Variants in LRRC69 observed in about 807,000 individuals in gnomAD.
LRRC69 encodes leucine-rich repeat-containing protein 69.
LRRC69 carries 42 observed loss-of-function variants against 37.8 expected under a neutral mutation model. The ratio of observed to expected loss-of-function variants is 1.11; its 90% confidence interval spans 0.87 to 1.44. The LOEUF is 1.44. Ranked by LOEUF, LRRC69 falls within the 40% of genes most tolerant of loss-of-function variation. The pLI is 0.00. For synonymous variants in LRRC69, 141 were observed against 143.1 expected (o/e 0.99, Z 0.11); for missense variants, 357 against 401.9 (o/e 0.89, Z 0.96).
intron 6 of LRRC69, among the ~76,000 whole-genome samples, chr8:91,191,472 G>A (rs1397610116): frequency 6.6e-6 from 1 of 152,086 alleles, no homozygotes; most frequent in South Asian, 2.1e-4. Context: ...TAAAAAGATA[G>A]GTATCATTAT....
At chr8:91,194,876 C>G (rs1809568247) in intron 6 of LRRC69, among the ~76,000 whole-genome samples, 1 of 151,348 alleles carries the variant, frequency 6.6e-6, no homozygotes, top group Non-Finnish European at 1.5e-5. Context: ...TATTTCTTGC[C>G]TTCTGCTAGC....
At chr8:91,147,284 A>T (rs1462995828) in intron 5 of LRRC69, among the ~76,000 whole-genome samples, 1 of 146,210 alleles carries the variant, frequency 6.8e-6, no homozygotes, top group South Asian at 2.1e-4. Context: ...ATTATATATA[A>T]ACATATTATA....
At chr8:91,173,061 C>T (rs1034417499) in intron 5 of LRRC69, among the ~76,000 whole-genome samples, 8 of 151,910 alleles carry the variant, frequency 5.3e-5, no homozygotes, top group African/African-American at 9.7e-5. Flanking sequence ...CAGCTACTCA[C>T]GGCTCCATTT....
chr8:91,200,496 T>A, intron 6 of LRRC69, 117 bp from the exon 7 acceptor site: 1 of 655,008 alleles, frequency 1.5e-6, no homozygotes, highest in Non-Finnish European at 2.3e-6. Context: ...TGCAGAATCT[T>A]AATTTAACAG....
chr8:91,158,137 CACTT>C, intron 5 of LRRC69: 1 of 1,598,720 alleles, frequency 6.3e-7, no homozygotes, highest in East Asian at 2.2e-5. Context: ...GTGAAACTCT[CACTT>C]ACCTATGGAA....
chr8:91,118,331 T>A (rs1277198896), intron 1 of LRRC69: 1 of 172,762 alleles, frequency 5.8e-6, no homozygotes, highest in Non-Finnish European at 1.1e-5. Flanking sequence ...ATGGCAAAAA[T>A]CCCATCTCTA....
Position 91,112,278 on chromosome 8 carries a change from A to T in LRRC69, c.183+9434A>T, listed in dbSNP as rs139867589. ...AGACCCAGCTCTGCGGCTGCTCTGC[A>T]TGCACTTGCACTTCTGACAGTGGCA... On this transcript the variant is annotated intron_variant, in intron 1 of 7. Transcript: ENST00000448384. Among the ~76,000 whole-genome samples, 1,056 of 152,082 alleles carry T rather than the reference A, an allele frequency of 6.9e-3. 16 individuals are homozygous for T. The highest frequency in any genetic ancestry group is 0.024 in the African/African-American group (990 of 41,548).
intron 5 of LRRC69, among the ~76,000 whole-genome samples, chr8:91,175,847 T>C (rs1236549543): frequency 6.6e-6 from 1 of 151,694 alleles, no homozygotes; most frequent in African/African-American, 2.4e-5. Flanking sequence ...AGTGATATAA[T>C]TGGACATGCT....
exon 4 of LRRC69, chr8:91,133,205 T>G: frequency 6.5e-7 from 1 of 1,544,274 alleles, no homozygotes; most frequent in Non-Finnish European, 8.7e-7. Flanking sequence ...GAACTTCAAC[T>G]TAACTACAAT....
chr8:91,208,929 C>G (rs1033604729), intron 7 of LRRC69, among the ~76,000 whole-genome samples: 3 of 152,176 alleles, frequency 2.0e-5, no homozygotes, highest in African/African-American at 7.2e-5. Flanking sequence ...GGTTCTCTTT[C>G]AACCACTTCT....
At chr8:91,145,125 C>G (rs1010585973) in intron 5 of LRRC69, among the ~76,000 whole-genome samples, 1 of 152,008 alleles carries the variant, frequency 6.6e-6, no homozygotes, top group East Asian at 1.9e-4. Flanking sequence ...AAGTGCAATA[C>G]AATTGTGGGA....
chr8:91,108,256 T>G (rs1464769862), intron 1 of LRRC69, among the ~76,000 whole-genome samples: 1 of 152,028 alleles, frequency 6.6e-6, no homozygotes, highest in East Asian at 1.9e-4. Context: ...TTTCATACTT[T>G]TGCTGTCCTT....
chr8:91,112,337 C>G (rs919459572), intron 1 of LRRC69, among the ~76,000 whole-genome samples: 1 of 152,020 alleles, frequency 6.6e-6, no homozygotes, highest in African/African-American at 2.4e-5. Flanking sequence ...TGTGCTGGAC[C>G]TACCACCAAG....
At chr8:91,194,762 C>A (rs558498010) in intron 6 of LRRC69, among the ~76,000 whole-genome samples, 2 of 151,420 alleles carry the variant, frequency 1.3e-5, no homozygotes, top group African/African-American at 2.4e-5. Context: ...TGCTAGTGGT[C>A]TATCTATTTT....
chr8:91,159,897 T>G (rs1184194506), intron 5 of LRRC69, among the ~76,000 whole-genome samples: 29 of 151,168 alleles, frequency 1.9e-4, no homozygotes, highest in African/African-American at 7.0e-4. Flanking sequence ...ATGAAAATGA[T>G]TGTCATGTCT....
rs981380741 is a variant in LRRC69, at chr8:91,155,859, A to G, written c.651+20120A>G. Among the ~76,000 whole-genome samples the G allele has an allele frequency of 9.4e-5, 13 of 138,922 alleles. 1 individual carries two copies. The highest frequency in any genetic ancestry group is 2.1e-4 in the Admixed American group (3 of 14,424). The allele number at this position is 138,922 out of a possible 152,430, so 91.1% of individuals were successfully genotyped here. A position where few individuals can be genotyped will look rare whatever the true frequency, so the allele number is the denominator to read the frequency against. On this transcript the variant is annotated intron_variant, in intron 5 of 7. Coordinates refer to ENST00000448384, the Ensembl canonical transcript of LRRC69. ...AATAATATTCTTTTTGTGAATATGT[A>G]TGTGTGTGTATATATATATATACAC...
At chr8:91,191,822 C>T (rs1408077297) in intron 6 of LRRC69, among the ~76,000 whole-genome samples, 1 of 151,976 alleles carries the variant, frequency 6.6e-6, no homozygotes, top group East Asian at 1.9e-4. Context: ...CTGTTGGGTC[C>T]AGGAGCACAA....
At chr8:91,131,882 T>A (rs187491882) in intron 3 of LRRC69, among the ~76,000 whole-genome samples, 4 of 152,156 alleles carry the variant, frequency 2.6e-5, no homozygotes, top group Admixed American at 2.6e-4. Flanking sequence ...TGTTCATAAC[T>A]TTGCTGGGTG....
rs965110633 is a variant in LRRC69, at chr8:91,146,320, G to A, written c.651+10581G>A. ...ATTCACCTCTCATCTCTCTTGTTGAGAGGCCAGAAGGACAGGATCATAAAG... is the reference window on the plus strand; with the variant it reads ...ATTCACCTCTCATCTCTCTTGTTGAAAGGCCAGAAGGACAGGATCATAAAG... On this transcript the variant is annotated intron_variant, in intron 5 of 7. Transcript: ENST00000448384. Among the ~76,000 whole-genome samples, 52 of 151,944 alleles carry A rather than the reference G, an allele frequency of 3.4e-4. No individual in the cohort carries two copies. The Middle Eastern group carries it at 0.01, about 30-fold the overall frequency.
Sources: gnomAD v4.1 joint callset for allele counts (sites outside exome capture counted in the v4.1 genomes callset) on GRCh38, gnomAD v4.1.1 for gene constraint, MANE v1.5 for transcripts, NCBI Gene and HGNC (gene_info 2026-07-23, HGNC 2026-07-21) for gene names.